The following PCDHGB1 variants were observed in gnomAD, a reference collection of about 807,000 sequenced individuals.
PCDHGB1 encodes protocadherin gamma subfamily B, 1, also known as protocadherin gamma-B1.
In PCDHGB1, 34 loss-of-function variants were observed where a neutral mutation model predicts 56.6. The ratio of observed to expected loss-of-function variants is 0.60; its 90% CI spans 0.46 to 0.80. PCDHGB1 has a LOEUF of 0.80. Among genes scored for constraint, PCDHGB1 ranks in the 30% least tolerant of loss-of-function variants. PCDHGB1 has a pLI of 0.00. For synonymous variants in PCDHGB1, 561 were observed against 505.9 expected (o/e 1.11, Z -1.46); for missense variants, 1,278 against 1,204.6 (o/e 1.06, Z -0.90).
At chr5:141,355,439 G>A (rs758590718) in intron 1 of PCDHGB1, 48 of 1,613,990 alleles carry the variant, frequency 3.0e-5, no homozygotes, top group Non-Finnish European at 3.9e-5. Flanking sequence ...CTGAACCCGC[G>A]CAGCGGCACC....
intron 1 of PCDHGB1, chr5:141,365,631 C>G (rs973353724): frequency 6.2e-7 from 1 of 1,613,644 alleles, no homozygotes; most frequent in African/African-American, 1.3e-5. Flanking sequence ...CCCCTCTCTA[C>G]AGAAAGCCAC....
Position 141,431,818 on chromosome 5 carries a change from C to T in PCDHGB1, c.2410-62989C>T, listed in dbSNP as rs201311339. On this transcript the variant is annotated intron_variant, in intron 1 of 3. Coordinates refer to ENST00000523390, the MANE Select transcript of PCDHGB1 (RefSeq NM_018922.3). This position sits in a 1 kb window ranked among gnomAD's most constrained non-coding sequence, Gnocchi z 4.8. ...CAGAAGTGGTCCTCACCTCTCTCGCCAGCTCGGTTCCCGAAAACTCTCCCA... is the reference window on the plus strand; with the variant it reads ...CAGAAGTGGTCCTCACCTCTCTCGCTAGCTCGGTTCCCGAAAACTCTCCCA... 130 of 1,614,122 alleles carry T rather than the reference C, an allele frequency of 8.1e-5. No homozygotes were observed. Among genetic ancestry groups the T allele is most frequent in the Non-Finnish European group, 1.0e-4 (121 of 1,180,040 alleles).
intron 1 of PCDHGB1, chr5:141,362,282 G>T (rs750712376): frequency 1.2e-6 from 2 of 1,613,920 alleles, no homozygotes; most frequent in Non-Finnish European, 1.7e-6. Flanking sequence ...CTGCGCCTGC[G>T]ACTCTCTTCC....
Position 141,375,441 on chromosome 5 carries a change from C to T in PCDHGB1, c.2409+22772C>T, listed in dbSNP as rs904228732. 4.3e-6 allele frequency: 7 copies of T among 1,613,912 alleles called. No individual in the cohort carries two copies. The highest frequency in any genetic ancestry group is 1.7e-5 in the Admixed American group (1 of 60,012). ...ACCAACGACAACCCGCCCACCTTCC[C>T]CCATTCATCCTACTCAGTCTATGTC... is the stretch of plus-strand genomic sequence containing the variant. On this transcript the variant is annotated intron_variant, in intron 1 of 3. Transcript: ENST00000523390.
chr5:141,421,750 C>A lies in PCDHGB1; in HGVS notation c.2409+69081C>A, dbSNP rs766529731. On this transcript the variant is annotated intron_variant, in intron 1 of 3. Coordinates refer to ENST00000523390, the MANE Select transcript of PCDHGB1 (RefSeq NM_018922.3). ...CTCCCTCCAGAGCTACCAGCTCAGC[C>A]CTAATAATTACTTTTCCTTGCAACT... 4.3e-6 allele frequency: 7 copies of A among 1,613,788 alleles called. No individual in the cohort carries two copies. Among genetic ancestry groups the A allele is most frequent in the Non-Finnish European group, 5.9e-6 (7 of 1,179,864 alleles).
At chr5:141,375,704 C>T in intron 1 of PCDHGB1, 2 of 1,614,268 alleles carry the variant, frequency 1.2e-6, no homozygotes, top group Non-Finnish European at 1.7e-6. Flanking sequence ...CGGGGACCCG[C>T]CTCTTAGCAG....
At chr5:141,398,949 C>G in intron 1 of PCDHGB1, 1 of 1,613,948 alleles carries the variant, frequency 6.2e-7, no homozygotes, top group Non-Finnish European at 8.5e-7. Context: ...AGGGCATCAA[C>G]TCAGAAATTA....
At chr5:141,478,603 A>C (rs116528962) in intron 1 of PCDHGB1, 173 of 1,563,096 alleles carry the variant, frequency 1.1e-4, no homozygotes, top group Non-Finnish European at 1.4e-4. Context: ...CCTACATCAT[A>C]TTGAGGAAGG....
intron 1 of PCDHGB1, chr5:141,424,652 G>T (rs1392693867): frequency 6.6e-6 from 1 of 152,120 alleles, no homozygotes; most frequent in East Asian, 1.9e-4. Context: ...AAGGTATTTG[G>T]ACTTTAATTA....
At position 141,352,617 on chromosome 5, in the gene PCDHGB1, G is replaced by T; in HGVS notation, c.2357G>T (p.Cys786Phe). The T allele has an allele frequency of 1.9e-6, 3 of 1,613,100 alleles. No homozygotes were observed. Among genetic ancestry groups the T allele is most frequent in the Non-Finnish European group, 2.5e-6 (3 of 1,179,516 alleles). ...LLCDDPSMVVCASNEDHKIAY... is the reference protein window; with the variant it reads ...LLCDDPSMVVFASNEDHKIAY... ...TGTGATGATCCTTCTATGGTTGTAT[G>T]TGCCAGTAATGAAGATCACAAAATC... Residue 786 changes from cysteine (C) to phenylalanine (F), a missense_variant, in exon 1 of 4, where the codon TGT becomes TTT. Physicochemically the swap from Cys to Phe is radical, Grantham distance 205. Coordinates refer to ENST00000523390, the MANE Select transcript of PCDHGB1 (RefSeq NM_018922.3).
chr5:141,485,663 A>G lies in PCDHGB1; in HGVS notation c.2410-9144A>G, dbSNP rs1594506698. ...AAAGGCTCAGGATGCAGATGTGGGG[A>G]GCAATTCGATTAGCAGCTATAGGCT... On this transcript the variant is annotated intron_variant, in intron 1 of 3. Transcript: ENST00000523390. The surrounding 1 kb of genome is among the most constrained non-coding windows in gnomAD (Gnocchi z 5.7). The G allele has an allele frequency of 1.2e-6, 2 of 1,612,638 alleles. No homozygotes were observed. Among genetic ancestry groups the G allele is most frequent in the East Asian group, 4.5e-5 (2 of 44,840 alleles).
chr5:141,417,599 C>G (rs1036283292), intron 1 of PCDHGB1: 4 of 500,492 alleles, frequency 8.0e-6, no homozygotes, highest in African/African-American at 7.8e-5. Flanking sequence ...CTCTGGGCGC[C>G]GCCGTCGGCC....
chr5:141,393,452 G>T lies in PCDHGB1; in HGVS notation c.2409+40783G>T, dbSNP rs189963623. 9.0e-3 allele frequency: 14,601 copies of T among 1,614,028 alleles called. 101 individuals are homozygous for T. The highest frequency in any genetic ancestry group is 0.01 in the Non-Finnish European group (11,851 of 1,179,906). ...AGGCTGCTCACCACCTGGTCCTCACGGCCTCGGATGGCGGCAAGCCGCCTC... is the reference window on the plus strand; with the variant it reads ...AGGCTGCTCACCACCTGGTCCTCACTGCCTCGGATGGCGGCAAGCCGCCTC... On this transcript the variant is annotated intron_variant, in intron 1 of 3. Coordinates refer to ENST00000523390, the MANE Select transcript of PCDHGB1 (RefSeq NM_018922.3).
At position 141,511,481 on chromosome 5, in the gene PCDHGB1, ACTC is replaced by A. The variant is rs2154594681; in HGVS notation, c.*313_*315del. On this transcript the variant is annotated 3_prime_UTR_variant, in exon 4 of 4. Coordinates refer to ENST00000523390, the MANE Select transcript of PCDHGB1 (RefSeq NM_018922.3). ...CCACACCCCGTTTAGTTACAGCTGAACTCCTCCATCTTCCAAATCAATCAGGCC... is the reference window on the plus strand; with the variant it reads ...CCACACCCCGTTTAGTTACAGCTGAACTCCATCTTCCAAATCAATCAGGCC... 2 of 464,080 alleles carry A rather than the reference ACTC, an allele frequency of 4.3e-6. No individual in the cohort carries two copies. The highest frequency in any genetic ancestry group is 7.7e-6 in the Non-Finnish European group (2 of 260,856). The allele number at this position is 464,080 out of a possible 1,614,324, so 28.7% of individuals were successfully genotyped here.
At position 141,421,932 on chromosome 5, in the gene PCDHGB1, T is replaced by C. The variant is rs747598404; in HGVS notation, c.2409+69263T>C. On this transcript the variant is annotated intron_variant, in intron 1 of 3. Transcript: ENST00000523390. The stretch of plus-strand genomic sequence containing the variant: ...TTCCCATTCGTGTGGTGGTCCTCGA[T>C]GTAAATGATCACATCCCAATGTTTA... 3 of 1,613,588 alleles carry C rather than the reference T, an allele frequency of 1.9e-6. No individual in the cohort carries two copies. The East Asian group carries it at 6.7e-5, about 36-fold the overall frequency.
chr5:141,423,806 T>C (rs2096783171), intron 1 of PCDHGB1: 1 of 1,251,576 alleles, frequency 8.0e-7, no homozygotes, highest in Non-Finnish European at 1.0e-6. Flanking sequence ...GCAATACATG[T>C]GAGTTTTACT....
At chr5:141,464,558 A>G (rs1276921889) in intron 1 of PCDHGB1, among the ~76,000 whole-genome samples, 2 of 152,176 alleles carry the variant, frequency 1.3e-5, no homozygotes, top group Non-Finnish European at 2.9e-5. Context: ...CCCATCTTGC[A>G]TTCCTACAAA....
chr5:141,489,846 T>C lies in PCDHGB1; in HGVS notation c.2410-4961T>C. The C allele has an allele frequency of 6.2e-7, 1 of 1,614,190 alleles. No individual in the cohort carries two copies. The highest frequency in any genetic ancestry group is 1.1e-5 in the South Asian group (1 of 91,088). ...TGGTGCTAGAGCAGCAGCTGGATCG[T>C]GAAGCCCAGGCAAGACATCAGCTGG... is the stretch of plus-strand genomic sequence containing the variant. On this transcript the variant is annotated intron_variant, in intron 1 of 3. Coordinates refer to ENST00000523390, the MANE Select transcript of PCDHGB1 (RefSeq NM_018922.3). This position sits in a 1 kb window ranked among gnomAD's most constrained non-coding sequence, Gnocchi z 4.5.
intron 1 of PCDHGB1, chr5:141,421,396 C>T: frequency 2.5e-6 from 4 of 1,614,036 alleles, no homozygotes; most frequent in South Asian, 1.1e-5. Context: ...GGGGCTGGAG[C>T]CCCGGGAGCT....
Sources: gnomAD v4.1 joint callset for allele counts (sites outside exome capture counted in the v4.1 genomes callset) on GRCh38, gnomAD v4.1.1 for gene constraint, Gnocchi (gnomAD v3.1) non-coding constraint, MANE v1.5 for transcripts, NCBI Gene and HGNC (gene_info 2026-07-23, HGNC 2026-07-21) for gene names.